PPP6R2: variants seen among roughly 807,000 people sequenced by gnomAD.
PPP6R2 encodes the protein serine/threonine-protein phosphatase 6 regulatory subunit 2.
Under a neutral mutation model 100.2 loss-of-function variants are expected in PPP6R2, and 62 were observed. The ratio of observed to expected loss-of-function variants is 0.62; its 90% CI spans 0.50 to 0.76. PPP6R2 has a LOEUF of 0.76. PPP6R2 is among the 30% of genes least tolerant of loss of function. The pLI is 0.00. For synonymous variants in PPP6R2, 525 were observed against 514.7 expected (o/e 1.02, Z -0.27); for missense variants, 1,142 against 1,276.3 (o/e 0.89, Z 1.60).
intron 1 of PPP6R2, among the ~76,000 whole-genome samples, chr22:50,356,626 CTT>C (rs1374249127): frequency 6.6e-6 from 1 of 152,018 alleles, no homozygotes; most frequent in African/African-American, 2.4e-5. Flanking sequence ...GTATGTTTCA[CTT>C]TTTTAAGAAA....
chr22:50,444,102 C>T lies in PPP6R2; in HGVS notation c.2816C>T (p.Thr939Ile). The T allele has an allele frequency of 6.2e-7, 1 of 1,612,480 alleles. No homozygotes were observed. The highest frequency in any genetic ancestry group is 1.1e-5 in the South Asian group (1 of 91,048). Residue 939 changes from threonine to isoleucine, a missense_variant, in exon 23 of 24, where the codon ACA (threonine) becomes ATA (isoleucine). Coordinates refer to ENST00000612753, the MANE Select transcript of PPP6R2 (RefSeq NM_001242898.2). ...CCAGCCATGGTGGCCACCCTGGGGA[C>T]AGTGACAAAGGACGGGTGAGCAGGT... The part of the protein sequence containing the change: ...AAPAMVATLG[T>I]VTKDGKTDAP...
chr22:50,440,130 G>A, intron 21 of PPP6R2, 81 bp downstream of exon 21: 1 of 1,285,872 alleles, frequency 7.8e-7, no homozygotes, highest in South Asian at 1.3e-5. Context: ...CTTGGGGGCA[G>A]TGGGAGGAGG....
At position 50,411,555 on chromosome 22, in the gene PPP6R2, C is replaced by A. The variant is rs111863600; in HGVS notation, c.415-2997C>A. 7.1e-3 allele frequency among the ~76,000 whole-genome samples: 1,069 copies of A among 151,032 alleles called. 12 individuals carry two copies. The highest frequency in any genetic ancestry group is 0.024 in the African/African-American group (1,001 of 41,050). ...ATTATCTGAGGTCAGGAGTTTGAGA[C>A]CAGCCTGGCCCAACATGGTGAAACC... On this transcript the variant is annotated intron_variant, in intron 4 of 23. Transcript: ENST00000612753.
At chr22:50,388,393 C>CAAAA (rs745823253) in intron 2 of PPP6R2, among the ~76,000 whole-genome samples, 3 of 126,430 alleles carry the variant, frequency 2.4e-5, no homozygotes, top group Non-Finnish European at 1.7e-5. Context: ...GACCCTATCT[C>CAAAA]AAAAAAAAAA....
Position 50,431,080 on chromosome 22 carries a change from C to T in PPP6R2, c.1126-93C>T, listed in dbSNP as rs1489757208. The T allele has an allele frequency of 2.1e-5, 22 of 1,069,184 alleles. No homozygotes were observed. Among genetic ancestry groups the T allele is most frequent in the African/African-American group, 1.1e-4 (7 of 63,584 alleles). The allele number at this position is 1,069,184 out of a possible 1,614,324, so 66.2% of individuals were successfully genotyped here. A position where few individuals can be genotyped will look rare whatever the true frequency, so the allele number is the denominator to read the frequency against. On this transcript the variant is annotated intron_variant, in intron 10 of 23. Coordinates refer to ENST00000612753, the MANE Select transcript of PPP6R2 (RefSeq NM_001242898.2). This position sits in a 1 kb window ranked among gnomAD's most constrained non-coding sequence, Gnocchi z 4.8. ...AGACTGGACTTGTGAGGAGTTAGGA[C>T]GCCACCTTTAGGAAGGGTTTCCCTC... is the stretch of plus-strand genomic sequence containing the variant.
intron 2 of PPP6R2, among the ~76,000 whole-genome samples, chr22:50,384,340 G>C (rs2053752588): frequency 6.6e-6 from 1 of 152,258 alleles, no homozygotes; most frequent in East Asian, 1.9e-4. Flanking sequence ...CAGATCACGA[G>C]GTCAGTAGAC....
chr22:50,355,240 T>C (rs1449804889), intron 1 of PPP6R2, among the ~76,000 whole-genome samples: 1 of 150,140 alleles, frequency 6.7e-6, no homozygotes, highest in Non-Finnish European at 1.5e-5. Flanking sequence ...TTTTTTTTTT[T>C]TTTTTTTTCT....
intron 1 of PPP6R2, among the ~76,000 whole-genome samples, chr22:50,365,214 G>T (rs1283011037): frequency 6.6e-6 from 1 of 151,816 alleles, no homozygotes; most frequent in Non-Finnish European, 1.5e-5. Context: ...TGGGATTACA[G>T]GCATGCACCA....
At chr22:50,406,146 CGAGAGGCCTGGA>C (rs2058903423) in intron 3 of PPP6R2, among the ~76,000 whole-genome samples, 1 of 38,214 alleles carries the variant, frequency 2.6e-5, no homozygotes, top group African/African-American at 1.4e-4. Context: ...TGGAGAGAGG[CGAGAGGCCTGGA>C]GAGAGGCGAG....
At chr22:50,398,125 G>GAGTTGA (rs1569407210) in intron 3 of PPP6R2, among the ~76,000 whole-genome samples, 1 of 151,996 alleles carries the variant, frequency 6.6e-6, no homozygotes, top group African/African-American at 2.4e-5. Context: ...TTACGCCCAG[G>GAGTTGA]AGTTGAAGAC....
the PPP6R2 span, among the ~76,000 whole-genome samples, chr22:50,334,161 A>G: frequency 6.6e-6 from 1 of 152,244 alleles, no homozygotes; most frequent in East Asian, 1.9e-4. Context: ...AGGCCTCCGG[A>G]TGGCTGCGGG....
In PPP6R2 at chr22:50,438,291, A is replaced by C; in HGVS notation, c.1957A>C (p.Arg653=). The C allele has an allele frequency of 6.2e-7, 1 of 1,612,108 alleles. No individual in the cohort carries two copies. The highest frequency in any genetic ancestry group is 8.5e-7 in the Non-Finnish European group (1 of 1,179,194). ...TCGCTGTGCTGCCCGGGTGATGGCC[A>C]GACCCAGGTGCGGGGCCTGCCCATC... The part of the protein sequence containing the change: ...DTRCAARVMA[R]PRFGAPHASE... The change falls in exon 18 of 24, where the codon AGA becomes CGA. Residue 653 remains arginine, a synonymous_variant. Coordinates refer to ENST00000612753, the MANE Select transcript of PPP6R2 (RefSeq NM_001242898.2).
intron 22 of PPP6R2, chr22:50,443,548 A>G (rs1048197813): frequency 1.7e-5 from 6 of 351,318 alleles, no homozygotes; most frequent in Non-Finnish European, 3.1e-5. Flanking sequence ...GTGAGGCTGA[A>G]GTTGAGATCA....
At chr22:50,402,805 A>G (rs556534494) in intron 3 of PPP6R2, among the ~76,000 whole-genome samples, 2 of 152,328 alleles carry the variant, frequency 1.3e-5, no homozygotes, top group East Asian at 3.9e-4. Context: ...TTTGAAGAAT[A>G]ACTGTAAAAT....
intron 1 of PPP6R2, among the ~76,000 whole-genome samples, chr22:50,355,532 T>TC (rs2046324812): frequency 9.0e-6 from 1 of 110,752 alleles, no homozygotes; most frequent in Non-Finnish European, 1.9e-5. Flanking sequence ...CCCGGCCTTT[T>TC]TTTTTTGAGA....
intron 1 of PPP6R2, among the ~76,000 whole-genome samples, chr22:50,370,300 G>C (rs1215487293): frequency 6.6e-6 from 1 of 152,096 alleles, no homozygotes; most frequent in African/African-American, 2.4e-5. Flanking sequence ...TTGTTTGTTT[G>C]TTTTTGAGAT....
In PPP6R2 at chr22:50,372,091, C is replaced by T. The variant is rs867762903; in HGVS notation, c.-76C>T. The T allele has an allele frequency of 6.6e-6, 1 of 152,092 alleles. No homozygotes were observed. The highest frequency in any genetic ancestry group is 1.5e-5 in the Non-Finnish European group (1 of 68,006). The allele number at this position is 152,092 out of a possible 1,614,324, so 9.4% of individuals were successfully genotyped here. ...AGCTGCATATACTCCAAGAAAAAAA[C>T]CACAAATGTTTTTCTGTTTTGCCTG... On this transcript the variant is annotated 5_prime_UTR_variant, in exon 2 of 24. Coordinates refer to ENST00000612753, the MANE Select transcript of PPP6R2 (RefSeq NM_001242898.2).
chr22:50,331,124 G>T, the PPP6R2 span, among the ~76,000 whole-genome samples: 1 of 152,160 alleles, frequency 6.6e-6, no homozygotes, highest in African/African-American at 2.4e-5. Context: ...TGTTTTTGAG[G>T]TCATGCATGT....
rs1051690580 is a variant in PPP6R2 at position 50,355,587 on chromosome 22, C to T, written c.-148+12037C>T. On this transcript the variant is annotated intron_variant, in intron 1 of 23. Coordinates refer to ENST00000612753, the MANE Select transcript of PPP6R2 (RefSeq NM_001242898.2). ...CCAGGCTGGAGTGCAGTGGTGCGAT[C>T]TTGGCTCACTGCAAGCTCCGCCTCC... is the stretch of plus-strand genomic sequence containing the variant. Among the ~76,000 whole-genome samples, 5 of 146,334 alleles carry T rather than the reference C, an allele frequency of 3.4e-5. No homozygotes were observed. In the Admixed American group the frequency reaches 3.5e-4, roughly 10 times the overall value.
Sources: gnomAD v4.1 joint callset for allele counts (sites outside exome capture counted in the v4.1 genomes callset) on GRCh38, gnomAD v4.1.1 for gene constraint, Gnocchi (gnomAD v3.1) non-coding constraint, MANE v1.5 for transcripts, NCBI Gene and HGNC (gene_info 2026-07-23, HGNC 2026-07-21) for gene names.